The following PACSIN2 variants were observed in gnomAD, a reference collection of about 807,000 sequenced individuals.
PACSIN2 encodes protein kinase C and casein kinase substrate in neurons protein 2.
Under a neutral mutation model 63.8 loss-of-function variants are expected in PACSIN2, and 25 were observed. The observed-to-expected ratio is 0.39, with a 90% confidence interval of 0.29 to 0.55. The LOEUF (loss-of-function observed/expected upper bound fraction) is 0.55, where lower values mean the gene tolerates loss of function less well. Ranked by LOEUF, PACSIN2 falls within the 20% of genes least tolerant of loss-of-function variation. The probability of loss-of-function intolerance (pLI) is 0.62; values close to 1 mark genes in which losing one functional copy is unlikely to be tolerated. For synonymous variants in PACSIN2, 255 were observed against 256.2 expected (o/e 1.00, Z 0.05); for missense variants, 518 against 646.9 (o/e 0.80, Z 2.16).
chr22:42,884,341 C>A (rs774845858), intron 6 of PACSIN2, 45 bp downstream of exon 6: 1 of 1,559,568 alleles, frequency 6.4e-7, no homozygotes, highest in Non-Finnish European at 8.7e-7. Context: ...AAGCACTTTC[C>A]GTTGACTTCA....
In PACSIN2 at chr22:42,879,043, C is replaced by T. The variant is rs1177905595; in HGVS notation, c.1028+5G>A. The T allele has an allele frequency of 1.9e-6, 3 of 1,612,422 alleles. No individual in the cohort carries two copies. The highest frequency in any genetic ancestry group is 2.2e-5 in the South Asian group (2 of 90,982). On this transcript the variant is annotated splice_donor_5th_base_variant and intron_variant, in intron 8 of 10. Transcript: ENST00000263246. ...CTCTTTTGGATGGAGGTGGCGCCCA[C>T]TCACCTGCTGGGCTTACTCGGCAGA... is the stretch of plus-strand genomic sequence containing the variant.
At chr22:42,943,814 T>A (rs1171649482) in intron 1 of PACSIN2, among the ~76,000 whole-genome samples, 1 of 152,178 alleles carries the variant, frequency 6.6e-6, no homozygotes, top group Non-Finnish European at 1.5e-5. Flanking sequence ...TAATAAGGTA[T>A]CAGAGGAAAA....
At position 42,891,171 on chromosome 22, in the gene PACSIN2, C is replaced by T. The variant is rs752420359; in HGVS notation, c.229G>A (p.Gly77Arg). The T allele has an allele frequency of 2.0e-5, 33 of 1,612,992 alleles. No homozygotes were observed. The highest frequency in any genetic ancestry group is 1.2e-4 in the Admixed American group (7 of 59,994). Residue 77 changes from glycine (G) to arginine (R), a missense_variant, in exon 4 of 11, where the codon GGG becomes AGG. By Grantham distance (125) the Gly-to-Arg change is moderately radical (BLOSUM62 -2). This residue lies in a region of PACSIN2 where 507 missense variants were observed against 612.3 expected (regional missense o/e 0.83). Coordinates refer to ENST00000263246, the MANE Select transcript of PACSIN2 (RefSeq NM_001184970.3). ...RQLVEKGPQY[G>R]TVEKAWMAFM... ...GCCATCCAGGCCTTCTCCACGGTCC[C>T]GTACTGGGGCCCTGTGCAGGGGAGA... is the stretch of plus-strand genomic sequence containing the variant.
chr22:42,997,777 A>C (rs904488398), intron 1 of PACSIN2, among the ~76,000 whole-genome samples: 1 of 152,062 alleles, frequency 6.6e-6, no homozygotes, highest in African/African-American at 2.4e-5. Context: ...CTCGGGAGGC[A>C]GAGTGAGGCA....
At chr22:42,950,083 G>A (rs567647630) in intron 1 of PACSIN2, among the ~76,000 whole-genome samples, 2 of 152,168 alleles carry the variant, frequency 1.3e-5, no homozygotes, top group South Asian at 2.1e-4. Context: ...GAAAATATAC[G>A]GGGGAAAGAA....
intron 1 of PACSIN2, among the ~76,000 whole-genome samples, chr22:42,944,468 G>A (rs1025861654): frequency 6.6e-6 from 1 of 152,160 alleles, no homozygotes; most frequent in Non-Finnish European, 1.5e-5. Context: ...CTCTAACATT[G>A]CTAATAGGCT....
chr22:42,969,957 G>A (rs1057514123), intron 1 of PACSIN2, among the ~76,000 whole-genome samples: 2 of 151,222 alleles, frequency 1.3e-5, no homozygotes, highest in African/African-American at 4.9e-5. Context: ...ATGACCCCCC[G>A]TTTCAACAAG....
intron 1 of PACSIN2, among the ~76,000 whole-genome samples, chr22:42,934,707 T>A (rs1348506063): frequency 6.6e-6 from 1 of 152,170 alleles, no homozygotes; most frequent in African/African-American, 2.4e-5. Context: ...TTATAGTTCC[T>A]CTATGGTGCC....
At chr22:42,936,135 GA>G (rs1178066061) in intron 1 of PACSIN2, among the ~76,000 whole-genome samples, 2 of 150,820 alleles carry the variant, frequency 1.3e-5, no homozygotes, top group African/African-American at 4.9e-5. Flanking sequence ...AGAATGGCGT[GA>G]ACCCGGGAGG....
At chr22:42,969,043 CTCCATCCATCCA>C (rs60039459) in intron 1 of PACSIN2, among the ~76,000 whole-genome samples, 1 of 150,772 alleles carries the variant, frequency 6.6e-6, no homozygotes, top group Non-Finnish European at 1.5e-5. Context: ...ATCTATCTAT[CTCCATCCATCCA>C]TCCATCCATC....
At chr22:43,007,987 G>C (rs1354348933) in intron 1 of PACSIN2, among the ~76,000 whole-genome samples, 2 of 152,184 alleles carry the variant, frequency 1.3e-5, no homozygotes, top group Non-Finnish European at 2.9e-5. Context: ...GCAGCTTAAT[G>C]GAGTGCCCCA....
intron 1 of PACSIN2, among the ~76,000 whole-genome samples, chr22:42,970,059 C>G (rs1921137288): frequency 6.6e-6 from 1 of 152,160 alleles, no homozygotes; most frequent in East Asian, 1.9e-4. Flanking sequence ...TCCACCTGAC[C>G]TGGCATGCCC....
chr22:42,987,527 A>ATTTTTTTTTTT (rs1922716379), intron 1 of PACSIN2, among the ~76,000 whole-genome samples: 1 of 34,788 alleles, frequency 2.9e-5, no homozygotes, highest in African/African-American at 2.5e-4. Context: ...GGGCACATTC[A>ATTTTTTTTTTT]TTCTTTTTTT....
At chr22:42,888,887 T>A in intron 4 of PACSIN2, 89 bp from the exon 5 acceptor site, 1 of 1,366,140 alleles carries the variant, frequency 7.3e-7, no homozygotes, top group East Asian at 2.3e-5. Context: ...ATGCTTGTGC[T>A]ACCAAGAGGG....
At chr22:42,969,767 C>T (rs1050946327) in intron 1 of PACSIN2, among the ~76,000 whole-genome samples, 2 of 151,886 alleles carry the variant, frequency 1.3e-5, no homozygotes, top group African/African-American at 4.8e-5. Context: ...GGAAAGAACC[C>T]ATCTCTACGA....
intron 1 of PACSIN2, among the ~76,000 whole-genome samples, chr22:42,996,973 A>T (rs1490136761): frequency 6.6e-5 from 10 of 152,350 alleles, no homozygotes; most frequent in Non-Finnish European, 1.2e-4. Flanking sequence ...TAAATTTTTT[A>T]AAAATAATTC....
intron 2 of PACSIN2, 113 bp from the exon 3 acceptor site, chr22:42,893,726 A>G: frequency 2.0e-6 from 2 of 982,748 alleles, no homozygotes; most frequent in Non-Finnish European, 3.1e-6. Flanking sequence ...GGTCATGTTT[A>G]CCACACCCCT....
chr22:42,931,289 C>T (rs934409798), intron 1 of PACSIN2, among the ~76,000 whole-genome samples: 1 of 152,260 alleles, frequency 6.6e-6, no homozygotes, highest in African/African-American at 2.4e-5. Context: ...CTTAACCTTC[C>T]TGAACCTTAG....
intron 1 of PACSIN2, among the ~76,000 whole-genome samples, chr22:42,916,713 C>A (rs143078201): frequency 6.6e-6 from 1 of 152,256 alleles, no homozygotes; most frequent in Admixed American, 6.5e-5. Flanking sequence ...TGACTTCAAA[C>A]GGCATCCATG....
Sources: gnomAD v4.1 joint callset for allele counts (sites outside exome capture counted in the v4.1 genomes callset) on GRCh38, gnomAD v4.1.1 for gene constraint, gnomAD v4.1.1 regional missense constraint, MANE v1.5 for transcripts, NCBI Gene and HGNC (gene_info 2026-07-23, HGNC 2026-07-21) for gene names.